The following TNFSF4 variants were observed in gnomAD, a reference collection of about 807,000 sequenced individuals.
TNFSF4 encodes the protein tumor necrosis factor ligand superfamily member 4.
A neutral mutation model predicts 7.3 loss-of-function variants in TNFSF4; 4 were observed. That is an observed-to-expected ratio of 0.55 (90% CI 0.27 to 1.25). The LOEUF (loss-of-function observed/expected upper bound fraction) is 1.25. Among genes scored for constraint, TNFSF4 ranks in the 50% most tolerant of loss-of-function variants. TNFSF4 has a pLI of 0.12. For synonymous variants in TNFSF4, 76 were observed against 83.7 expected, an observed-to-expected ratio of 0.91 and a Z score of 0.50; for missense variants, 181 against 208.8, an observed-to-expected ratio of 0.87 and a Z score of 0.82.
chr1:173,351,894 A>C, the TNFSF4 span: 1 of 587,890 alleles, frequency 1.7e-6, no homozygotes. Flanking sequence ...GGTTATCACT[A>C]GGCTAAAACT....
chr1:173,307,505 C>T, the TNFSF4 span, among the ~76,000 whole-genome samples: 1 of 151,494 alleles, frequency 6.6e-6, no homozygotes, highest in Non-Finnish European at 1.5e-5. Context: ...TGGATTCTGG[C>T]TTTGGAAAAA....
chr1:173,432,020 A>C, the TNFSF4 span, among the ~76,000 whole-genome samples: 1 of 152,248 alleles, frequency 6.6e-6, no homozygotes, highest in Admixed American at 6.5e-5. Flanking sequence ...TGGGTGAAGG[A>C]GGCCTTAAGG....
upstream of TNFSF4, among the ~76,000 whole-genome samples, chr1:173,209,768 A>C (rs1372434033): frequency 6.6e-6 from 1 of 152,156 alleles, no homozygotes; most frequent in Non-Finnish European, 1.5e-5. Flanking sequence ...CTCCCAAAGC[A>C]CTGGGTTTAT....
the TNFSF4 span, among the ~76,000 whole-genome samples, chr1:173,250,452 T>A: frequency 1.3e-5 from 2 of 149,646 alleles, no homozygotes; most frequent in African/African-American, 4.9e-5. Context: ...AGTTTCATTT[T>A]TTGTTTTTTT....
chr1:173,352,400 G>A, the TNFSF4 span, among the ~76,000 whole-genome samples: 1,597 of 152,298 alleles, frequency 0.01, 39 homozygotes, highest in African/African-American at 0.035. Flanking sequence ...TTCCCTAAGT[G>A]TCAGCCAGTC....
At chr1:173,394,252 T>C in the TNFSF4 span, among the ~76,000 whole-genome samples, 21 of 148,244 alleles carry the variant, frequency 1.4e-4, 1 homozygote, top group East Asian at 3.4e-3. Context: ...ACATCACTCC[T>C]AAAAATATGT....
the TNFSF4 span, among the ~76,000 whole-genome samples, chr1:173,288,247 G>A: frequency 6.6e-6 from 1 of 152,210 alleles, no homozygotes; most frequent in South Asian, 2.1e-4. Flanking sequence ...GATCTCAGGA[G>A]TTTGAGACCA....
the TNFSF4 span, among the ~76,000 whole-genome samples, chr1:173,373,366 T>G: frequency 6.6e-6 from 1 of 152,140 alleles, no homozygotes; most frequent in East Asian, 1.9e-4. Flanking sequence ...GGACCCTTGG[T>G]ATGGAACAAC....
At chr1:173,229,281 C>T in the TNFSF4 span, among the ~76,000 whole-genome samples, 1 of 152,196 alleles carries the variant, frequency 6.6e-6, no homozygotes, top group African/African-American at 2.4e-5. Flanking sequence ...CAATATTCAA[C>T]ATTCTTAAAG....
At chr1:173,348,124 ATATGGT>A in the TNFSF4 span, among the ~76,000 whole-genome samples, 1 of 152,234 alleles carries the variant, frequency 6.6e-6, no homozygotes, top group African/African-American at 2.4e-5. Flanking sequence ...TAAGTACCTA[ATATGGT>A]TTTGCTGTGT....
chr1:173,257,756 CAG>C, the TNFSF4 span, among the ~76,000 whole-genome samples: 1 of 152,186 alleles, frequency 6.6e-6, no homozygotes, highest in Non-Finnish European at 1.5e-5. Flanking sequence ...GGACAGTACA[CAG>C]AGAACTGCCA....
chr1:173,236,566 C>T, the TNFSF4 span, among the ~76,000 whole-genome samples: 11 of 151,912 alleles, frequency 7.2e-5, no homozygotes, highest in Non-Finnish European at 1.6e-4. Flanking sequence ...TCACAATAGC[C>T]AAAATATGGA....
upstream of TNFSF4, among the ~76,000 whole-genome samples, chr1:173,207,479 C>T (rs1415911107): frequency 6.6e-6 from 1 of 151,370 alleles, no homozygotes; most frequent in Non-Finnish European, 1.5e-5. Context: ...TTGTGACATT[C>T]CAGTTCTGAT....
the TNFSF4 span, among the ~76,000 whole-genome samples, chr1:173,388,482 G>A: frequency 0.018 from 2,780 of 152,260 alleles, 79 homozygotes; most frequent in African/African-American, 0.062. Flanking sequence ...GGTCCACAAG[G>A]TGAAAGTATG....
the TNFSF4 span, among the ~76,000 whole-genome samples, chr1:173,393,692 A>G: frequency 1.3e-5 from 2 of 152,242 alleles, no homozygotes; most frequent in Non-Finnish European, 2.9e-5. Flanking sequence ...CAGTTTTCCC[A>G]TAGAATGATG....
chr1:173,270,133 T>TA, the TNFSF4 span, among the ~76,000 whole-genome samples: 1 of 152,124 alleles, frequency 6.6e-6, no homozygotes, highest in East Asian at 1.9e-4. Context: ...ACTGGAAAAA[T>TA]AGAGTTGCCC....
intron 1 of TNFSF4, chr1:173,205,198 C>A: frequency 8.0e-7 from 1 of 1,254,512 alleles, no homozygotes; most frequent in South Asian, 1.6e-5. Context: ...AATCTATTTT[C>A]AGAGTAGACA....
the TNFSF4 span, among the ~76,000 whole-genome samples, chr1:173,282,961 G>A: frequency 1.3e-5 from 2 of 152,132 alleles, no homozygotes; most frequent in African/African-American, 4.8e-5. Context: ...AGCTCATTTA[G>A]AAAAGATGCA....
At position 173,192,703 on chromosome 1, in the gene TNFSF4, C is replaced by T. The variant is rs116365729; in HGVS notation, c.154-4134G>A. On this transcript the variant is annotated intron_variant, in intron 1 of 2. Coordinates refer to ENST00000281834, the MANE Select transcript of TNFSF4 (RefSeq NM_003326.5). ...CAGTTAACCCCAACATTAAAAAACACTCTATTGACTGATTATACTGCCAGT... is the reference window on the plus strand; with the variant it reads ...CAGTTAACCCCAACATTAAAAAACATTCTATTGACTGATTATACTGCCAGT... Among the ~76,000 whole-genome samples, 652 of 152,288 alleles carry T rather than the reference C, an allele frequency of 4.3e-3. 5 individuals are homozygous for T. Among genetic ancestry groups the T allele is most frequent in the African/African-American group, 0.015 (622 of 41,560 alleles).
Sources: allele counts gnomAD v4.1 joint callset (sites outside exome capture counted in the v4.1 genomes callset), GRCh38; gene constraint gnomAD v4.1.1; transcripts MANE v1.5; gene names NCBI Gene and HGNC (gene_info 2026-07-23, HGNC 2026-07-21).